The following DLG2 variants were observed in gnomAD, a reference collection of about 807,000 sequenced individuals.
The protein encoded by DLG2 is discs large MAGUK scaffold protein 2.
A neutral mutation model predicts 132.5 loss-of-function variants in DLG2; 45 were observed. The ratio of observed to expected loss-of-function variants is 0.34; its 90% confidence interval spans 0.27 to 0.44. The LOEUF (loss-of-function observed/expected upper bound fraction) is 0.44, where lower values mean the gene tolerates loss of function less well. Ranked by LOEUF, DLG2 falls within the 20% of genes least tolerant of loss-of-function variation. DLG2 has a pLI of 1.00. For missense variants in DLG2, 1,045 were observed against 1,196.9 expected, an observed-to-expected ratio of 0.87 and a Z score of 1.87; for synonymous variants, 424 against 419.6, an observed-to-expected ratio of 1.01 and a Z score of -0.13.
intron 8 of DLG2, among the ~76,000 whole-genome samples, chr11:84,232,912 C>A (rs2097111719): frequency 1.3e-5 from 2 of 152,124 alleles, no homozygotes; most frequent in Non-Finnish European, 2.9e-5. Context: ...TTAGTTCCAG[C>A]AATGCCCATA....
chr11:85,173,814 T>A (rs1174375899), intron 4 of DLG2, among the ~76,000 whole-genome samples: 1 of 151,024 alleles, frequency 6.6e-6, no homozygotes, highest in Non-Finnish European at 1.5e-5. Flanking sequence ...AAAAAGGGGG[T>A]TGCAATCCTA....
chr11:84,502,398 CTTTCTTTCTTTCTT>C (rs1567807264), intron 7 of DLG2, among the ~76,000 whole-genome samples: 311 of 94,644 alleles, frequency 3.3e-3, no homozygotes, highest in South Asian at 6.7e-3. Flanking sequence ...TTCTTTCTTT[CTTTCTTTCTTTCTT>C]TCTATACAGA....
intron 6 of DLG2, among the ~76,000 whole-genome samples, chr11:85,096,064 A>G (rs766647424): frequency 6.6e-6 from 1 of 152,156 alleles, no homozygotes; most frequent in East Asian, 1.9e-4. Context: ...AAACGTACCA[A>G]TCAGCACTCT....
chr11:84,335,180 G>T (rs1252523327), intron 7 of DLG2, among the ~76,000 whole-genome samples: 7 of 94,998 alleles, frequency 7.4e-5, no homozygotes, highest in Admixed American at 2.0e-4. Context: ...AAAAAAAAAA[G>T]GAAGGAAGGG....
intron 3 of DLG2, among the ~76,000 whole-genome samples, chr11:85,361,274 G>C (rs1198050127): frequency 6.6e-6 from 1 of 151,680 alleles, no homozygotes; most frequent in African/African-American, 2.4e-5. Context: ...TCCTGCCTCA[G>C]CCTCCCGAGT....
rs576329786 is a variant in DLG2, at chr11:83,645,980, C to T, written c.1826-12655G>A. 6 of 152,146 alleles carry T rather than the reference C, an allele frequency of 3.9e-5. No homozygotes were observed. The South Asian group carries it at 1.2e-3, about 32-fold the overall frequency. 9.4% of individuals were successfully genotyped at this position (152,146 alleles called of 1,614,324 possible). On this transcript the variant is annotated intron_variant, in intron 18 of 27. Transcript: ENST00000376104. ...GAATCATCGCATTTCAACAATTTTC[C>T]TATTTATTTTAACCAAAACAGAGCT... is the stretch of plus-strand genomic sequence containing the variant.
At chr11:84,513,209 C>A (rs1298883090) in intron 7 of DLG2, among the ~76,000 whole-genome samples, 3 of 151,900 alleles carry the variant, frequency 2.0e-5, no homozygotes, top group East Asian at 3.9e-4. Context: ...GAAAAATATT[C>A]CATGTGTATG....
intron 6 of DLG2, among the ~76,000 whole-genome samples, chr11:84,653,494 G>A (rs1471433347): frequency 2.0e-5 from 3 of 152,094 alleles, no homozygotes; most frequent in African/African-American, 7.2e-5. Flanking sequence ...CTCCAGTAAT[G>A]ACTCCCCTGT....
intron 9 of DLG2, among the ~76,000 whole-genome samples, chr11:84,155,678 C>A (rs910059237): frequency 6.6e-6 from 1 of 151,976 alleles, no homozygotes; most frequent in African/African-American, 2.4e-5. Context: ...TATTCCAACA[C>A]CTTTAACCAA....
At chr11:84,488,818 T>G (rs1463876778) in intron 7 of DLG2, among the ~76,000 whole-genome samples, 2 of 152,148 alleles carry the variant, frequency 1.3e-5, no homozygotes, top group African/African-American at 4.8e-5. Context: ...ATCTGTAACT[T>G]TTAAAGGTCT....
intron 3 of DLG2, among the ~76,000 whole-genome samples, chr11:85,486,109 G>A (rs1483431375): frequency 1.4e-5 from 2 of 146,772 alleles, no homozygotes; most frequent in Non-Finnish European, 3.0e-5. Context: ...CTGACATTTT[G>A]ACAGTTTAGT....
At chr11:85,372,540 C>T (rs932758510) in intron 3 of DLG2, among the ~76,000 whole-genome samples, 4 of 152,220 alleles carry the variant, frequency 2.6e-5, no homozygotes, top group African/African-American at 9.6e-5. Context: ...AAGGTTAAAA[C>T]ACACAGTGCA....
At chr11:84,291,517 T>G (rs955892860) in intron 7 of DLG2, among the ~76,000 whole-genome samples, 5 of 152,184 alleles carry the variant, frequency 3.3e-5, no homozygotes, top group African/African-American at 1.2e-4. Context: ...TATTCTCCCT[T>G]AACTGTTTTA....
chr11:83,877,928 A>T (rs539029094), intron 15 of DLG2, among the ~76,000 whole-genome samples: 1 of 152,304 alleles, frequency 6.6e-6, no homozygotes, highest in South Asian at 2.1e-4. Context: ...AGTAGGTTCT[A>T]TCGTTTCCAC....
intron 6 of DLG2, among the ~76,000 whole-genome samples, chr11:84,673,079 C>T (rs2099707665): frequency 6.6e-6 from 1 of 152,136 alleles, no homozygotes; most frequent in African/African-American, 2.4e-5. Context: ...CCCCATGACC[C>T]ACTCACCTCC....
At chr11:83,474,276 G>A (rs937647463) in intron 22 of DLG2, among the ~76,000 whole-genome samples, 2 of 151,996 alleles carry the variant, frequency 1.3e-5, no homozygotes, top group Non-Finnish European at 2.9e-5. Flanking sequence ...ACAGAGCCTA[G>A]GCCAAAAAAC....
intron 6 of DLG2, among the ~76,000 whole-genome samples, chr11:84,823,665 T>A (rs2077985902): frequency 6.6e-6 from 1 of 150,702 alleles, no homozygotes; most frequent in South Asian, 2.1e-4. Flanking sequence ...ATTTTCTCCA[T>A]AGCACATATA....
At chr11:84,172,051 C>G (rs2095836810) in intron 8 of DLG2, among the ~76,000 whole-genome samples, 1 of 152,106 alleles carries the variant, frequency 6.6e-6, no homozygotes, top group South Asian at 2.1e-4. Flanking sequence ...CAGTTCTGTA[C>G]TTACAAGCTG....
chr11:85,087,650 A>T (rs1281572616), intron 6 of DLG2, among the ~76,000 whole-genome samples: 1 of 151,308 alleles, frequency 6.6e-6, no homozygotes, highest in Non-Finnish European at 1.5e-5. Context: ...CATCCTGGCT[A>T]ACAAGGTGAA....
Sources: allele counts gnomAD v4.1 joint callset (sites outside exome capture counted in the v4.1 genomes callset), GRCh38; gene constraint gnomAD v4.1.1; transcripts MANE v1.5; gene names NCBI Gene and HGNC (gene_info 2026-07-23, HGNC 2026-07-21).